Variants in CCDC92B observed in about 807,000 individuals in gnomAD.
CCDC92B encodes the protein coiled-coil domain-containing 92B.
In CCDC92B, 2 loss-of-function variants were observed where a neutral mutation model predicts 5.6. The ratio of observed to expected loss-of-function variants is 0.36; its 90% CI spans 0.15 to 1.12. The LOEUF (loss-of-function observed/expected upper bound fraction) is 1.12. Ranked by LOEUF, CCDC92B falls within the 50% of genes most tolerant of loss-of-function variation. CCDC92B has a pLI of 0.40. For synonymous variants in CCDC92B, 115 were observed against 122.3 expected, an observed-to-expected ratio of 0.94 and a Z score of 0.39; for missense variants, 271 against 262.2, an observed-to-expected ratio of 1.03 and a Z score of -0.23.
Position 2,722,477 on chromosome 17 carries a change from T to C in CCDC92B, c.*1934A>G, listed in dbSNP as rs2070669025. 1 of 152,294 alleles carries C rather than the reference T, an allele frequency of 6.6e-6. No individual in the cohort carries two copies. Among genetic ancestry groups the C allele is most frequent in the African/African-American group, 2.4e-5 (1 of 41,434 alleles). The allele number at this position is 152,294 out of a possible 1,614,324, so 9.4% of individuals were successfully genotyped here. On this transcript the variant is annotated 3_prime_UTR_variant, in exon 4 of 4. Transcript: ENST00000614400. ...ACCCCAGACCAGGCGTGGTTATTGC[T>C]CAGTGGTCTTGGGCAGTCCCGAGTG... is the stretch of plus-strand genomic sequence containing the variant.
chr17:2,729,254 G>A (rs2070768860), intron 3 of CCDC92B, among the ~76,000 whole-genome samples: 1 of 152,154 alleles, frequency 6.6e-6, no homozygotes, highest in South Asian at 2.1e-4. Context: ...ACTTTGCAAG[G>A]CTGAGGCGGG....
intron 2 of CCDC92B, among the ~76,000 whole-genome samples, chr17:2,730,985 T>G (rs1023032515): frequency 3.9e-5 from 6 of 152,194 alleles, no homozygotes; most frequent in South Asian, 2.1e-4. Flanking sequence ...TACTTACCAG[T>G]CTGGACACTT....
intron 1 of CCDC92B, among the ~76,000 whole-genome samples, chr17:2,745,915 CCTT>C (rs2070980263): frequency 6.6e-6 from 1 of 152,192 alleles, no homozygotes; most frequent in Non-Finnish European, 1.5e-5. Context: ...CTGCTTCCCT[CCTT>C]CTTCTGGTTC....
chr17:2,735,054 A>G lies in CCDC92B; in HGVS notation c.92T>C (p.Leu31Pro). The change falls in exon 2 of 4, where the codon CTG becomes CCG. Residue 31 changes from leucine (L) to proline (P), a missense_variant. Leu to Pro is a moderately conservative substitution (Grantham distance 98). Coordinates refer to ENST00000614400, the MANE Select transcript of CCDC92B (RefSeq NM_001355573.2). The stretch of plus-strand genomic sequence containing the variant: ...CTGCAGCCTCAGGATCTCCAGGTGC[A>G]GGTCTCGCAGCAGGGCCATCTGCTC... The part of the protein sequence containing the change: ...KKEQMALLRD[L>P]HLEILRLQKR... 1.0e-6 allele frequency: 1 copy of G among 985,534 alleles called. No homozygotes were observed. The highest frequency in any genetic ancestry group is 1.2e-6 in the Non-Finnish European group (1 of 830,020). 61.0% of individuals were successfully genotyped at this position (985,534 alleles called of 1,614,324 possible). A position where few individuals can be genotyped will look rare whatever the true frequency, so the allele number is the denominator to read the frequency against.
rs2070693020 is a variant in CCDC92B, at chr17:2,724,093, C to T, written c.*318G>A. The T allele has an allele frequency of 3.1e-6, 3 of 983,324 alleles. No homozygotes were observed. The highest frequency in any genetic ancestry group is 3.6e-6 in the Non-Finnish European group (3 of 828,218). 60.9% of individuals were successfully genotyped at this position (983,324 alleles called of 1,614,324 possible). On this transcript the variant is annotated 3_prime_UTR_variant, in exon 4 of 4. Coordinates refer to ENST00000614400, the MANE Select transcript of CCDC92B (RefSeq NM_001355573.2). This position sits in a 1 kb window ranked among gnomAD's most constrained non-coding sequence, Gnocchi z 5.0. ...GATTGTCGGCTTTCCCGGGGAAGGG[C>T]GTGGCCCCCGCCCCTCCTGTCTCAC...
chr17:2,736,914 A>ATAAAATAC (rs1555535623), intron 1 of CCDC92B, among the ~76,000 whole-genome samples: 3 of 148,320 alleles, frequency 2.0e-5, no homozygotes, highest in Non-Finnish European at 4.5e-5. Flanking sequence ...AAATAAATAA[A>ATAAAATAC]ATACATACAT....
chr17:2,734,122 A>C (rs925542926), intron 2 of CCDC92B, among the ~76,000 whole-genome samples: 1 of 151,980 alleles, frequency 6.6e-6, no homozygotes, highest in African/African-American at 2.4e-5. Flanking sequence ...AGAACCTTCC[A>C]TGAGCTTTTG....
rs529270270 is a variant in CCDC92B at position 2,722,540 on chromosome 17, G to T, written c.*1871C>A. 4 of 152,292 alleles carry T rather than the reference G, an allele frequency of 2.6e-5. No homozygotes were observed. The highest frequency in any genetic ancestry group is 5.9e-5 in the Non-Finnish European group (4 of 68,104). The allele number at this position is 152,292 out of a possible 1,614,324, so 9.4% of individuals were successfully genotyped here. ...AGAGCCGCACATTGCTTGGCCCTGAGTGCGCTCGCTCACTGGTTTCTACTT... is the reference window on the plus strand; with the variant it reads ...AGAGCCGCACATTGCTTGGCCCTGATTGCGCTCGCTCACTGGTTTCTACTT... On this transcript the variant is annotated 3_prime_UTR_variant, in exon 4 of 4. Transcript: ENST00000614400.
chr17:2,748,586 C>T, intron 1 of CCDC92B: 1 of 985,078 alleles, frequency 1.0e-6, no homozygotes. Flanking sequence ...CATACGCTTC[C>T]TGAGGGCAAG....
intron 3 of CCDC92B, among the ~76,000 whole-genome samples, chr17:2,725,433 C>T (rs1443722213): frequency 6.6e-6 from 1 of 151,718 alleles, no homozygotes; most frequent in Admixed American, 6.6e-5. Flanking sequence ...CCCCACGTCC[C>T]CACCTGCACG....
chr17:2,737,739 G>A (rs773268641), intron 1 of CCDC92B, among the ~76,000 whole-genome samples: 75 of 151,908 alleles, frequency 4.9e-4, no homozygotes, highest in Non-Finnish European at 3.1e-4. Context: ...GCCTCCCAAA[G>A]TGCTGGTATT....
chr17:2,747,131 C>T (rs1217112973), intron 1 of CCDC92B, among the ~76,000 whole-genome samples: 1 of 152,196 alleles, frequency 6.6e-6, no homozygotes, highest in African/African-American at 2.4e-5. Context: ...AGGAACCAGA[C>T]CCCACACTTC....
rs1195104552 is a variant in CCDC92B at position 2,723,962 on chromosome 17, C to T, written c.*449G>A. 4 of 756,222 alleles carry T rather than the reference C, an allele frequency of 5.3e-6. No individual in the cohort carries two copies. The highest frequency in any genetic ancestry group is 3.1e-4 in the Admixed American group (1 of 3,242). The allele number at this position is 756,222 out of a possible 1,614,324, so 46.8% of individuals were successfully genotyped here. A position where few individuals can be genotyped will look rare whatever the true frequency, so the allele number is the denominator to read the frequency against. ...GAAGGCTTGGCGGGAAGGGCGTCGG[C>T]GCGGGGGTGGGGGAGGCGGGGGGTG... On this transcript the variant is annotated 3_prime_UTR_variant, in exon 4 of 4. Coordinates refer to ENST00000614400, the MANE Select transcript of CCDC92B (RefSeq NM_001355573.2).
At chr17:2,728,538 G>T (rs890797506) in intron 3 of CCDC92B, among the ~76,000 whole-genome samples, 14 of 151,714 alleles carry the variant, frequency 9.2e-5, no homozygotes, top group African/African-American at 3.1e-4. Context: ...GGGAGGCAGA[G>T]CTTGCAGTGA....
chr17:2,743,367 G>C (rs2070946407), intron 1 of CCDC92B, among the ~76,000 whole-genome samples: 1 of 151,784 alleles, frequency 6.6e-6, no homozygotes, highest in Non-Finnish European at 1.5e-5. Flanking sequence ...GGAGGCAGAG[G>C]TTGCAGTGAG....
intron 1 of CCDC92B, among the ~76,000 whole-genome samples, chr17:2,738,688 A>C (rs959836855): frequency 6.7e-6 from 1 of 149,528 alleles, no homozygotes; most frequent in Non-Finnish European, 1.5e-5. Flanking sequence ...TGAACCCGGG[A>C]GGCGGAGCTT....
intron 1 of CCDC92B, among the ~76,000 whole-genome samples, chr17:2,741,624 G>A (rs1165094969): frequency 2.1e-5 from 3 of 140,444 alleles, no homozygotes; most frequent in Non-Finnish European, 3.0e-5. Flanking sequence ...ATGGAGTCTC[G>A]CTCTGTCGCC....
chr17:2,737,720 C>G (rs2070872882), intron 1 of CCDC92B, among the ~76,000 whole-genome samples: 1 of 151,936 alleles, frequency 6.6e-6, no homozygotes, highest in African/African-American at 2.4e-5. Flanking sequence ...ACGTGATCCA[C>G]CCGCCTCGGC....
chr17:2,727,018 C>T (rs533043731), intron 3 of CCDC92B, among the ~76,000 whole-genome samples: 8 of 151,878 alleles, frequency 5.3e-5, no homozygotes, highest in Non-Finnish European at 8.8e-5. Context: ...AATTCTCCCA[C>T]CTCAGCCTTC....
Sources: gnomAD v4.1 joint callset for allele counts (sites outside exome capture counted in the v4.1 genomes callset) on GRCh38, gnomAD v4.1.1 for gene constraint, Gnocchi (gnomAD v3.1) non-coding constraint, MANE v1.5 for transcripts, NCBI Gene and HGNC (gene_info 2026-07-23, HGNC 2026-07-21) for gene names.